ABLIM1: variants seen among roughly 807,000 people sequenced by gnomAD.
ABLIM1 encodes the protein actin-binding LIM protein 1.
A neutral mutation model predicts 107.0 loss-of-function variants in ABLIM1; 40 were observed. The observed-to-expected ratio is 0.37, with a 90% CI of 0.29 to 0.49. The LOEUF is 0.49. ABLIM1 is among the 20% of genes least tolerant of loss of function. The probability of loss-of-function intolerance (pLI) is 0.97; values close to 1 mark genes in which losing one functional copy is unlikely to be tolerated. For synonymous variants in ABLIM1, 357 were observed against 357.3 expected (o/e 1.00, Z 0.01); for missense variants, 857 against 1,008.5 (o/e 0.85, Z 2.04).
chr10:114,515,966 G>T (rs1214087442), intron 6 of ABLIM1, among the ~76,000 whole-genome samples: 2 of 152,170 alleles, frequency 1.3e-5, no homozygotes, highest in Non-Finnish European at 2.9e-5. Flanking sequence ...AATTAAATTT[G>T]TCTTTTTTAA....
At chr10:114,656,497 C>T (rs1236227514) in intron 1 of ABLIM1, among the ~76,000 whole-genome samples, 1 of 151,932 alleles carries the variant, frequency 6.6e-6, no homozygotes, top group African/African-American at 2.4e-5. Context: ...CACATAAAAA[C>T]CTGTATATGA....
At position 114,690,561 on chromosome 10, in the gene ABLIM1, T is replaced by C. The variant is rs937130522; in HGVS notation, c.-213+77500A>G. ...GTTTTCTGCTGTCTTTGGAAACTTGTCTGCAAACAGCTCAAAGGAGATGCA... is the reference window on the plus strand; with the variant it reads ...GTTTTCTGCTGTCTTTGGAAACTTGCCTGCAAACAGCTCAAAGGAGATGCA... On this transcript the variant is annotated intron_variant, in intron 1 of 15. Transcript: ENST00000651092. 7.2e-6 allele frequency: 8 copies of C among 1,110,190 alleles called. No homozygotes were observed. In the African/African-American group the frequency reaches 9.2e-5, roughly 13 times the overall value. The allele number at this position is 1,110,190 out of a possible 1,614,324, so 68.8% of individuals were successfully genotyped here.
chr10:114,656,711 G>A (rs942270500), intron 1 of ABLIM1, among the ~76,000 whole-genome samples: 4 of 152,182 alleles, frequency 2.6e-5, no homozygotes, highest in Admixed American at 2.0e-4. Flanking sequence ...ACAAATTGTG[G>A]AATATCTATA....
At chr10:114,715,965 G>A (rs1224523536) in intron 1 of ABLIM1, among the ~76,000 whole-genome samples, 1 of 152,168 alleles carries the variant, frequency 6.6e-6, no homozygotes, top group Non-Finnish European at 1.5e-5. Flanking sequence ...TAGGGACACA[G>A]GTCAGCACAA....
intron 1 of ABLIM1, among the ~76,000 whole-genome samples, chr10:114,712,382 A>G (rs1162824896): frequency 6.7e-6 from 1 of 149,078 alleles, no homozygotes; most frequent in African/African-American, 2.5e-5. Flanking sequence ...AAAAAAGTAC[A>G]TGAATGCTAT....
chr10:114,469,787 T>G (rs1371679476), intron 10 of ABLIM1, among the ~76,000 whole-genome samples: 1 of 152,212 alleles, frequency 6.6e-6, no homozygotes, highest in Non-Finnish European at 1.5e-5. Flanking sequence ...TCAAGTATTT[T>G]CCAGATGAAT....
rs796961323 is a variant in ABLIM1, at chr10:114,485,382, T to C, written c.1041+2576A>G. The C allele has an allele frequency of 2.5e-6, 4 of 1,610,996 alleles. No homozygotes were observed. The African/African-American group carries it at 5.3e-5, about 21-fold the overall frequency. On this transcript the variant is annotated intron_variant, in intron 8 of 22. Transcript: ENST00000533213. ...TGAAGAACGCCGAATGTTTGGCAGC[T>C]GCCATGAAACATGAGAAAAGGGAAG...
intron 6 of ABLIM1, among the ~76,000 whole-genome samples, chr10:114,532,435 C>G (rs566478448): frequency 6.6e-6 from 1 of 152,186 alleles, no homozygotes; most frequent in Non-Finnish European, 1.5e-5. Context: ...CTCCCCAAGG[C>G]GGGAAGCCAC....
At chr10:114,693,051 C>T (rs1435303220) in intron 1 of ABLIM1, among the ~76,000 whole-genome samples, 1 of 152,158 alleles carries the variant, frequency 6.6e-6, no homozygotes, top group African/African-American at 2.4e-5. Context: ...TTTCTGAAAC[C>T]CCATGTTTTA....
intron 1 of ABLIM1, among the ~76,000 whole-genome samples, chr10:114,765,321 A>G (rs2082864682): frequency 6.6e-6 from 1 of 151,958 alleles, no homozygotes; most frequent in Non-Finnish European, 1.5e-5. Flanking sequence ...ACAGGATTAC[A>G]TACAGGTGTG....
chr10:114,542,822 C>T (rs915000774), intron 6 of ABLIM1, among the ~76,000 whole-genome samples: 15 of 152,190 alleles, frequency 9.9e-5, no homozygotes, highest in Admixed American at 9.8e-4. Flanking sequence ...TCCTGTGCAT[C>T]ACACTCTGAG....
rs1209674608 is a variant in ABLIM1, at chr10:114,433,517, C to A, written c.*2743G>T. On this transcript the variant is annotated 3_prime_UTR_variant, in exon 23 of 23. Coordinates refer to ENST00000533213, the MANE Select transcript of ABLIM1 (RefSeq NM_002313.7). ...ATAGGAGGCTACTGGTGCTTTCTGG[C>A]AATGCATTTCTGCAAGGTGCAGTTT... is the stretch of plus-strand genomic sequence containing the variant. The A allele has an allele frequency of 6.6e-6, 1 of 152,240 alleles. No individual in the cohort carries two copies. The highest frequency in any genetic ancestry group is 1.5e-5 in the Non-Finnish European group (1 of 68,050). The allele number at this position is 152,240 out of a possible 1,614,324, so 9.4% of individuals were successfully genotyped here.
At chr10:114,662,960 C>G (rs560535630), upstream of ABLIM1, among the ~76,000 whole-genome samples, 31 of 152,276 alleles carry the variant, frequency 2.0e-4, no homozygotes, top group South Asian at 6.4e-3. Context: ...ACAGGCACCC[C>G]CTGAGCTCAA....
chr10:114,646,121 G>A (rs1009430964), intron 1 of ABLIM1, among the ~76,000 whole-genome samples: 3 of 152,138 alleles, frequency 2.0e-5, no homozygotes, highest in Admixed American at 6.5e-5. Context: ...GTATTTGTTG[G>A]GATTTGGAGG....
intron 6 of ABLIM1, among the ~76,000 whole-genome samples, chr10:114,516,981 C>T (rs1018810679): frequency 3.9e-5 from 6 of 152,142 alleles, no homozygotes; most frequent in African/African-American, 1.2e-4. Flanking sequence ...AGATGCCATT[C>T]CTTGGGACTC....
intron 6 of ABLIM1, among the ~76,000 whole-genome samples, chr10:114,519,968 T>C (rs1186957028): frequency 6.6e-6 from 1 of 152,254 alleles, no homozygotes; most frequent in African/African-American, 2.4e-5. Context: ...GGCTGCAGCC[T>C]CTGCCCTGTT....
At chr10:114,521,648 C>A (rs937878316) in intron 6 of ABLIM1, among the ~76,000 whole-genome samples, 5 of 151,980 alleles carry the variant, frequency 3.3e-5, no homozygotes, top group Middle Eastern at 3.4e-3. Context: ...CGGTAGTCAA[C>A]CCCCCTCCTT....
chr10:114,638,324 G>A (rs1374860553), intron 1 of ABLIM1, among the ~76,000 whole-genome samples: 1 of 152,064 alleles, frequency 6.6e-6, no homozygotes, highest in African/African-American at 2.4e-5. Context: ...TTACTTTGGA[G>A]AGAAAGTAGG....
chr10:114,704,334 ATT>A (rs1566256331), intron 1 of ABLIM1, among the ~76,000 whole-genome samples: 1 of 62,092 alleles, frequency 1.6e-5, no homozygotes, highest in Non-Finnish European at 3.7e-5. Context: ...ATATATATAT[ATT>A]GCGCGCGTTA....
Sources: gnomAD v4.1 joint callset for allele counts (sites outside exome capture counted in the v4.1 genomes callset) on GRCh38, gnomAD v4.1.1 for gene constraint, MANE v1.5 for transcripts, NCBI Gene and HGNC (gene_info 2026-07-23, HGNC 2026-07-21) for gene names.